Variants in SUMF1 observed in about 807,000 individuals in gnomAD.
SUMF1 encodes the protein formylglycine-generating enzyme.
Under a neutral mutation model 47.6 loss-of-function variants are expected in SUMF1, and 48 were observed. The ratio of observed to expected loss-of-function variants is 1.01; its 90% CI spans 0.80 to 1.28. The LOEUF is 1.28. Ranked by LOEUF, SUMF1 falls within the 50% of genes most tolerant of loss-of-function variation. The pLI is 0.00. For synonymous variants in SUMF1, 230 were observed against 192.1 expected (o/e 1.20, Z -1.63); for missense variants, 571 against 485.4 (o/e 1.18, Z -1.66).
chr3:4,179,470 A>C (rs1164425716), intron 8 of SUMF1, among the ~76,000 whole-genome samples: 2 of 152,180 alleles, frequency 1.3e-5, no homozygotes, highest in Admixed American at 1.3e-4. Context: ...TGCTGGGAAA[A>C]CTGGCTAGCT....
At chr3:4,435,437 T>C (rs892032065) in intron 3 of SUMF1, among the ~76,000 whole-genome samples, 1 of 152,130 alleles carries the variant, frequency 6.6e-6, no homozygotes, top group African/African-American at 2.4e-5. Flanking sequence ...CTAACATTTA[T>C]GCACTGGAGT....
chr3:4,449,244 A>G lies in SUMF1; in HGVS notation c.519+22T>C, dbSNP rs373055504. The G allele has an allele frequency of 1.9e-6, 3 of 1,613,448 alleles. No homozygotes were observed. In the Admixed American group the frequency reaches 5.0e-5, roughly 27 times the overall value. ...TCAATGAGCCTTAGAGAAATACAGG[A>G]GCCTGTTGAAACATTACTTACTGCC... On this transcript the variant is annotated intron_variant, in intron 3 of 8. Transcript: ENST00000272902.
rs34628235 is a variant in SUMF1 at position 4,352,731 on chromosome 3, TAAAAAAA to T, written c.1014+23592_1014+23598del. ...GATGTAGGTCCATTATTGCTGCGTG[TAAAAAAA>T]AAAAAAAAAAAAAAAAGGGTGACAA... On this transcript the variant is annotated intron_variant and NMD_transcript_variant, in intron 8 of 12. Coordinates refer to the SUMF1 transcript ENST00000448413. Among the ~76,000 whole-genome samples, 583 of 108,238 alleles carry T rather than the reference TAAAAAAA, an allele frequency of 5.4e-3. 4 individuals carry two copies. The highest frequency in any genetic ancestry group is 7.5e-3 in the Non-Finnish European group (380 of 50,750). 71.0% of individuals were successfully genotyped at this position (108,238 alleles called of 152,430 possible).
chr3:4,041,278 GC>G (rs1694903608), intron 9 of SUMF1, among the ~76,000 whole-genome samples: 1 of 152,092 alleles, frequency 6.6e-6, no homozygotes, highest in South Asian at 2.1e-4. Context: ...CACCATGTTG[GC>G]CAGGCTGGTC....
intron 9 of SUMF1, among the ~76,000 whole-genome samples, chr3:4,039,347 T>C (rs1240147575): frequency 8.9e-6 from 1 of 112,146 alleles, no homozygotes; most frequent in Non-Finnish European, 1.8e-5. Context: ...GCATTAGGTA[T>C]ATCTCCCAAT....
At position 4,173,684 on chromosome 3, in the gene SUMF1, G is replaced by A. The variant is rs374877205; in HGVS notation, c.1015-104939C>T. On this transcript the variant is annotated intron_variant and NMD_transcript_variant, in intron 8 of 12. Transcript: ENST00000448413. ...AAAAATGTGGCACATATACACCATA[G>A]AATACTATGCAGCCATAAGAAAGGA... is the stretch of plus-strand genomic sequence containing the variant. Among the ~76,000 whole-genome samples the A allele has an allele frequency of 2.0e-5, 3 of 152,104 alleles. No individual in the cohort carries two copies. In the East Asian group the frequency reaches 5.8e-4, roughly 29 times the overall value.
chr3:4,154,300 C>A (rs1269604583), intron 8 of SUMF1, among the ~76,000 whole-genome samples: 1 of 151,450 alleles, frequency 6.6e-6, no homozygotes, highest in Non-Finnish European at 1.5e-5. Flanking sequence ...GACTCTAATC[C>A]TGGGGAAACT....
chr3:4,209,197 G>A (rs183947663), intron 8 of SUMF1, among the ~76,000 whole-genome samples: 13 of 152,224 alleles, frequency 8.5e-5, no homozygotes, highest in Admixed American at 4.6e-4. Context: ...TGCTGCTGCA[G>A]TTGACTTTAA....
At chr3:4,241,312 G>C (rs1005886799) in intron 8 of SUMF1, among the ~76,000 whole-genome samples, 3 of 151,988 alleles carry the variant, frequency 2.0e-5, no homozygotes, top group African/African-American at 7.2e-5. Context: ...CAGGATAAGG[G>C]GCTACCAAAT....
intron 3 of SUMF1, among the ~76,000 whole-genome samples, chr3:4,431,529 T>C (rs1247589181): frequency 2.0e-5 from 3 of 152,240 alleles, no homozygotes; most frequent in African/African-American, 7.2e-5. Context: ...CTGAGAGCTG[T>C]TGCGTCGCTC....
chr3:4,139,934 C>A (rs1015555525), intron 8 of SUMF1, among the ~76,000 whole-genome samples: 2 of 151,988 alleles, frequency 1.3e-5, no homozygotes, highest in African/African-American at 4.8e-5. Context: ...ATAACAAGAA[C>A]TTTTCTGTCT....
chr3:4,429,103 T>A (rs181603160), intron 3 of SUMF1, among the ~76,000 whole-genome samples: 40 of 152,370 alleles, frequency 2.6e-4, no homozygotes, highest in Non-Finnish European at 1.9e-4. Context: ...ACAGTGAACA[T>A]GTTCAAACAC....
downstream of SUMF1, among the ~76,000 whole-genome samples, chr3:4,358,718 A>C (rs1188956305): frequency 1.3e-5 from 2 of 152,176 alleles, no homozygotes; most frequent in Non-Finnish European, 2.9e-5. Flanking sequence ...GCTCTGAAAA[A>C]CTGACAGTGC....
At chr3:4,230,698 C>T (rs1249518296) in intron 8 of SUMF1, among the ~76,000 whole-genome samples, 1 of 152,036 alleles carries the variant, frequency 6.6e-6, no homozygotes, top group Non-Finnish European at 1.5e-5. Context: ...CTCTCTTCCC[C>T]AGTGGTGGGG....
chr3:4,336,846 T>A (rs1313504450), intron 8 of SUMF1, among the ~76,000 whole-genome samples: 2 of 152,246 alleles, frequency 1.3e-5, no homozygotes, highest in Non-Finnish European at 2.9e-5. Context: ...CTTTCATCAA[T>A]CTGGGAAAAT....
chr3:4,238,618 G>T (rs1696464600), intron 8 of SUMF1, among the ~76,000 whole-genome samples: 1 of 152,132 alleles, frequency 6.6e-6, no homozygotes, highest in African/African-American at 2.4e-5. Context: ...TTTTGATGGG[G>T]TTGTTTCTTT....
At chr3:4,253,647 T>C (rs1431279118) in intron 8 of SUMF1, among the ~76,000 whole-genome samples, 1 of 151,424 alleles carries the variant, frequency 6.6e-6, no homozygotes, top group East Asian at 1.9e-4. Flanking sequence ...AGCACAGCAG[T>C]CTGTGATCAA....
chr3:4,260,636 A>G (rs1295380945), intron 8 of SUMF1, among the ~76,000 whole-genome samples: 2 of 152,116 alleles, frequency 1.3e-5, no homozygotes, highest in African/African-American at 4.8e-5. Flanking sequence ...TCAGAAGGCT[A>G]AGGCATGAGA....
At chr3:4,092,269 G>A (rs142212803) in intron 8 of SUMF1, among the ~76,000 whole-genome samples, 239 of 152,218 alleles carry the variant, frequency 1.6e-3, no homozygotes, top group African/African-American at 5.6e-3. Context: ...CCAAAGGAGA[G>A]ATAGCACAGG....
Sources: allele counts gnomAD v4.1 joint callset (sites outside exome capture counted in the v4.1 genomes callset), GRCh38; gene constraint gnomAD v4.1.1; transcripts MANE v1.5; gene names NCBI Gene and HGNC (gene_info 2026-07-23, HGNC 2026-07-21).